IGSF22: variants seen among roughly 807,000 people sequenced by gnomAD.
IGSF22 encodes immunoglobulin superfamily, member 22.
In IGSF22, 119 loss-of-function variants were observed where a neutral mutation model predicts 127.0. The ratio of observed to expected loss-of-function variants is 0.94; its 90% CI spans 0.81 to 1.09. The LOEUF is 1.09. Ranked by LOEUF, IGSF22 falls within the 50% of genes least tolerant of loss-of-function variation. IGSF22 has a pLI of 0.00. For synonymous variants in IGSF22, 568 were observed against 664.7 expected, an observed-to-expected ratio of 0.85 and a Z score of 2.24; for missense variants, 1,518 against 1,716.6, an observed-to-expected ratio of 0.88 and a Z score of 2.04.
chr11:18,710,753 G>C lies in IGSF22; in HGVS notation c.2474C>G (p.Pro825Arg), dbSNP rs771599183. Residue 825 changes from proline (P) to arginine (R), a missense_variant, in exon 16 of 23, where the codon CCT becomes CGT. By Grantham distance (103) the Pro-to-Arg change is moderately radical (BLOSUM62 -2). Transcript: ENST00000513874. ...CACTGGGGCTCCCCCATCCTGGGTA[G>C]GGGCATTCCACGTGATGGTCACGGC... ...KEAVTITWNA[P>R]TQDGGAPVLG... 4 of 1,614,140 alleles carry C rather than the reference G, an allele frequency of 2.5e-6. No individual in the cohort carries two copies. The highest frequency in any genetic ancestry group is 2.5e-6 in the Non-Finnish European group (3 of 1,179,958).
rs937942840 is a variant in IGSF22, at chr11:18,716,764, C to T, written c.1210G>A (p.Gly404Arg). ...AGCTGGGCCTTTTGTACCAGGTTCC[C>T]CGCCTCAGCAGAGAACTCGCCGCTG... The part of the protein sequence containing the change: ...SDSGEFSAEA[G>R]NLVQKAQLTV... Residue 404 changes from glycine (G) to arginine (R), a missense_variant, in exon 10 of 23, where the codon GGG becomes AGG. Around this residue, in one of 3 missense-constraint regions of IGSF22, gnomAD observed 1,456 missense variants for 1,644.9 expected, o/e 0.89. Coordinates refer to ENST00000513874, the MANE Select transcript of IGSF22 (RefSeq NM_173588.4). The surrounding 1 kb of genome is among the most constrained non-coding windows in gnomAD (Gnocchi z 4.5). 5.0e-6 allele frequency: 8 copies of T among 1,614,210 alleles called. No homozygotes were observed. The highest frequency in any genetic ancestry group is 4.4e-5 in the South Asian group (4 of 91,088).
At chr11:18,715,006 G>T (rs1053948102) in intron 11 of IGSF22, among the ~76,000 whole-genome samples, 3 of 114,698 alleles carry the variant, frequency 2.6e-5, no homozygotes, top group Non-Finnish European at 5.4e-5. Flanking sequence ...TTGTGGTTAC[G>T]CTAGACTGTG....
rs768481718 is a variant in IGSF22, at chr11:18,721,963, C to T, written c.188G>A (p.Gly63Asp). 1.9e-6 allele frequency: 3 copies of T among 1,613,960 alleles called. No individual in the cohort carries two copies. The South Asian group carries it at 3.3e-5, about 18-fold the overall frequency. ...LVTRSSNIPA[G>D]DSVPEFVEKP... ...CTCCACGAACTCAGGGACGCTGTCG[C>T]CCGCAGGGATGTTTGAGCTCCGGGT... The change falls in exon 3 of 23, where the codon GGC becomes GAC. Residue 63 changes from glycine to aspartate, a missense_variant. Physicochemically the swap from Gly to Asp is moderately conservative, Grantham distance 94. Around this residue, in one of 3 missense-constraint regions of IGSF22, gnomAD observed 1,456 missense variants for 1,644.9 expected, o/e 0.89. Coordinates refer to ENST00000513874, the MANE Select transcript of IGSF22 (RefSeq NM_173588.4).
chr11:18,706,207 G>T, intron 21 of IGSF22, 61 bp from the exon 22 acceptor site: 1 of 1,433,726 alleles, frequency 7.0e-7, no homozygotes, highest in Non-Finnish European at 9.3e-7. Flanking sequence ...CACCACCCAC[G>T]TCTTACAGTT....
rs1379165090 is a variant in IGSF22 at position 18,718,863 on chromosome 11, CT to C, written c.697-136del. The C allele has an allele frequency of 1.1e-5, 7 of 638,076 alleles. No homozygotes were observed. In the Admixed American group the frequency reaches 1.1e-4, roughly 10 times the overall value. 39.5% of individuals were successfully genotyped at this position (638,076 alleles called of 1,614,324 possible). A position where few individuals can be genotyped will look rare whatever the true frequency, so the allele number is the denominator to read the frequency against. Reference sequence around the variant, plus strand: ...GCTCATTAGATAACAACGTGCAGTGCTCCAGTGATCAACTGAAAGATTTAGG... The same window carrying C: ...GCTCATTAGATAACAACGTGCAGTGCCCAGTGATCAACTGAAAGATTTAGG... On this transcript the variant is annotated intron_variant, in intron 7 of 22. Transcript: ENST00000513874.
rs1564871914 is a variant in IGSF22, at chr11:18,714,347, GC to G, written c.1727del (p.Gly576AlafsTer44). On this transcript the variant is annotated frameshift_variant, in exon 13 of 23. Transcript: ENST00000513874. LOFTEE classifies it high-confidence loss of function. Reference protein sequence around the residue: ...AVHKLIFPSMGPEHEGKYTFR... With the variant: ...AVHKLIFPSMXPEHEGKYTFR... Reference sequence around the variant, plus strand: ...ATGTGTACTTGCCCTCGTGCTCAGGGCCCATACTGGGAAAGATGAGCTTGTG... The same window carrying G: ...ATGTGTACTTGCCCTCGTGCTCAGGGCCATACTGGGAAAGATGAGCTTGTG... The G allele has an allele frequency of 6.2e-7, 1 of 1,614,224 alleles. No homozygotes were observed. Among genetic ancestry groups the G allele is most frequent in the East Asian group, 2.2e-5 (1 of 44,888 alleles).
At position 18,712,069 on chromosome 11, in the gene IGSF22, C is replaced by A; in HGVS notation, c.2398+13G>T. The stretch of plus-strand genomic sequence containing the variant: ...CCTGGGTTCCCCACTGAGCACCAGG[C>A]TATCTCACTGACCTATGGGATTTCC... On this transcript the variant is annotated intron_variant, in intron 15 of 22. Coordinates refer to ENST00000513874, the MANE Select transcript of IGSF22 (RefSeq NM_173588.4). 6.5e-7 allele frequency: 1 copy of A among 1,542,368 alleles called. No homozygotes were observed. The highest frequency in any genetic ancestry group is 8.8e-7 in the Non-Finnish European group (1 of 1,140,762).
intron 7 of IGSF22, among the ~76,000 whole-genome samples, chr11:18,719,222 G>A (rs771510348): frequency 1.1e-4 from 17 of 152,084 alleles, no homozygotes; most frequent in South Asian, 2.1e-4. Context: ...TTGGCTCACC[G>A]CAACCTCCAC....
chr11:18,713,376 C>T (rs1848393517), intron 14 of IGSF22, among the ~76,000 whole-genome samples: 1 of 152,170 alleles, frequency 6.6e-6, no homozygotes, highest in Admixed American at 6.5e-5. Context: ...TGGTTTCGAA[C>T]TCCTGACCTT....
chr11:18,719,865 T>C lies in IGSF22; in HGVS notation c.547A>G (p.Lys183Glu), dbSNP rs757130357. 31 of 1,614,068 alleles carry C rather than the reference T, an allele frequency of 1.9e-5. No individual in the cohort carries two copies. The highest frequency in any genetic ancestry group is 2.5e-5 in the Non-Finnish European group (29 of 1,180,034). ...RAPPAPKKKQ[K>E]KVANEKEMLE... ...ATCTCTTTCTCATTTGCCACCTTCTTCTGCTTCTTCTTGGGAGCAGGGGGT... is the reference window on the plus strand; with the variant it reads ...ATCTCTTTCTCATTTGCCACCTTCTCCTGCTTCTTCTTGGGAGCAGGGGGT... Residue 183 changes from lysine (K) to glutamate (E), a missense_variant, in exon 7 of 23, where the codon AAG becomes GAG. Around this residue, in one of 3 missense-constraint regions of IGSF22, gnomAD observed 1,456 missense variants for 1,644.9 expected, o/e 0.89. Transcript: ENST00000513874.
At chr11:18,708,711 AAC>A (rs1590437005) in intron 18 of IGSF22, among the ~76,000 whole-genome samples, 1 of 152,234 alleles carries the variant, frequency 6.6e-6, no homozygotes, top group East Asian at 1.9e-4. Flanking sequence ...CTTAGATGAT[AAC>A]AGTCTTCCCC....
intron 11 of IGSF22, 93 bp from the exon 12 acceptor site, chr11:18,714,717 T>G (rs2134163882): frequency 6.7e-7 from 1 of 1,500,220 alleles, no homozygotes; most frequent in Non-Finnish European, 9.0e-7. Context: ...ATGGGACTGG[T>G]CAGGGGTGCT....
intron 14 of IGSF22, among the ~76,000 whole-genome samples, chr11:18,713,151 C>CTTT (rs11364796): frequency 1.6e-4 from 19 of 117,644 alleles, no homozygotes; most frequent in Non-Finnish European, 7.0e-5. Context: ...GTTGTTGTTT[C>CTTT]TTTTTTTTTT....
chr11:18,719,320 G>GTTT (rs367652448), intron 7 of IGSF22, among the ~76,000 whole-genome samples: 1 of 138,100 alleles, frequency 7.2e-6, no homozygotes, highest in African/African-American at 2.6e-5. Context: ...GTTTTTTTTT[G>GTTT]TTTTTTTTTG....
chr11:18,706,331 A>ACC (rs1398211857), intron 21 of IGSF22, among the ~76,000 whole-genome samples, 185 bp from the exon 22 acceptor site: 11 of 38,868 alleles, frequency 2.8e-4, no homozygotes, highest in African/African-American at 6.9e-4. Context: ...GCCTCCCCCG[A>ACC]CCCCCCAGCC....
chr11:18,718,519 T>A (rs1001070876), intron 8 of IGSF22, 96 bp downstream of exon 8: 1 of 809,632 alleles, frequency 1.2e-6, no homozygotes, highest in African/African-American at 1.7e-5. Flanking sequence ...ATCCTCTTGA[T>A]GGGATGGAAG....
At chr11:18,713,399 C>T (rs1035587735) in intron 14 of IGSF22, among the ~76,000 whole-genome samples, 63 of 152,280 alleles carry the variant, frequency 4.1e-4, no homozygotes, top group Admixed American at 3.0e-3. Flanking sequence ...GTGATCCACC[C>T]GCCTTGGACC....
Position 18,704,485 on chromosome 11 carries a change from A to G in IGSF22, c.3964T>C (p.Ser1322Pro). The G allele has an allele frequency of 2.6e-6, 4 of 1,550,608 alleles. No homozygotes were observed. The highest frequency in any genetic ancestry group is 3.5e-6 in the Non-Finnish European group (4 of 1,146,402). ...ASITESLQKK[S>P]KHLM ...GCTGGAGCTCACATGAGGTGCTTTGATTTCTTCTGCAGACTCTCGGTGATG... is the reference window on the plus strand; with the variant it reads ...GCTGGAGCTCACATGAGGTGCTTTGGTTTCTTCTGCAGACTCTCGGTGATG... Residue 1322 changes from serine (S) to proline (P), a missense_variant, in exon 23 of 23, where the codon TCA becomes CCA. Ser to Pro is a moderately conservative substitution (Grantham distance 74). Transcript: ENST00000513874.
intron 4 of IGSF22, 56 bp from the exon 5 acceptor site, chr11:18,720,341 T>C: frequency 6.9e-7 from 1 of 1,442,580 alleles, no homozygotes; most frequent in Non-Finnish European, 9.7e-7. Flanking sequence ...AGGGAGACTT[T>C]CTGTCAGATA....
Sources: gnomAD v4.1 joint callset for allele counts (sites outside exome capture counted in the v4.1 genomes callset) on GRCh38, gnomAD v4.1.1 for gene constraint, gnomAD v4.1.1 regional missense constraint, Gnocchi (gnomAD v3.1) non-coding constraint, MANE v1.5 for transcripts, NCBI Gene and HGNC (gene_info 2026-07-23, HGNC 2026-07-21) for gene names.